KIAA1217: variants seen among roughly 807,000 people sequenced by gnomAD.
KIAA1217 encodes the protein sickle tail protein homolog.
In KIAA1217, 88 loss-of-function variants were observed where a neutral mutation model predicts 163.9. The observed-to-expected ratio is 0.54, with a 90% CI of 0.45 to 0.64. The LOEUF is 0.64. Among genes scored for constraint, KIAA1217 ranks in the 30% least tolerant of loss-of-function variants. The pLI is 0.00. For missense variants in KIAA1217, 2,372 were observed against 2,475.0 expected, an observed-to-expected ratio of 0.96 and a Z score of 0.88; for synonymous variants, 903 against 923.1, an observed-to-expected ratio of 0.98 and a Z score of 0.39.
chr10:24,382,611 G>A (rs4418704), intron 3 of KIAA1217, among the ~76,000 whole-genome samples: 78,402 of 151,824 alleles, frequency 0.52, 22,800 homozygotes, highest in African/African-American at 0.8. Flanking sequence ...TTTTGTTTAT[G>A]TGTGTGTTTG....
At chr10:23,934,575 A>ATATGTGTGTGTGTGTGTATG (rs1554826348) in intron 1 of KIAA1217, among the ~76,000 whole-genome samples, 1 of 65,968 alleles carries the variant, frequency 1.5e-5, no homozygotes, top group African/African-American at 1.3e-4. Flanking sequence ...ATATATATAT[A>ATATGTGTGTGTGTGTGTATG]TATATATATA....
intron 2 of KIAA1217, among the ~76,000 whole-genome samples, chr10:24,330,175 C>T (rs1372933250): frequency 6.6e-6 from 1 of 151,864 alleles, no homozygotes; most frequent in Non-Finnish European, 1.5e-5. Context: ...TGGCGTGCAC[C>T]TGTAATCCCA....
At chr10:24,086,455 C>T (rs1159755754) in intron 2 of KIAA1217, among the ~76,000 whole-genome samples, 1 of 152,126 alleles carries the variant, frequency 6.6e-6, no homozygotes, top group Non-Finnish European at 1.5e-5. Context: ...TGGAAGTCTC[C>T]ATGTGTATCA....
At chr10:23,954,545 C>T (rs546142951) in intron 1 of KIAA1217, among the ~76,000 whole-genome samples, 1 of 148,846 alleles carries the variant, frequency 6.7e-6, no homozygotes, top group Non-Finnish European at 1.5e-5. Context: ...AGCCTGGACA[C>T]CAGAAAGAGA....
chr10:23,699,739 C>T (rs1836300883), intron 1 of KIAA1217, among the ~76,000 whole-genome samples: 1 of 152,186 alleles, frequency 6.6e-6, no homozygotes, highest in South Asian at 2.1e-4. Flanking sequence ...ATCCTCACAC[C>T]TTGGCCTCCC....
intron 3 of KIAA1217, among the ~76,000 whole-genome samples, chr10:24,383,905 A>G (rs904457215): frequency 1.3e-5 from 2 of 152,202 alleles, no homozygotes; most frequent in African/African-American, 4.8e-5. Context: ...AGCAAGTGCA[A>G]ATGCAGTCTC....
intron 1 of KIAA1217, among the ~76,000 whole-genome samples, chr10:23,827,774 G>A (rs965326964): frequency 2.6e-5 from 4 of 152,166 alleles, no homozygotes; most frequent in African/African-American, 4.8e-5. Context: ...CTGTGTGCAC[G>A]ACAGCCTGAA....
chr10:23,865,498 C>A (rs1840140618), intron 1 of KIAA1217, among the ~76,000 whole-genome samples: 1 of 152,048 alleles, frequency 6.6e-6, no homozygotes, highest in African/African-American at 2.4e-5. Flanking sequence ...ACGTCATTTG[C>A]AAATACTATT....
chr10:23,745,979 T>C (rs564156208), intron 1 of KIAA1217, among the ~76,000 whole-genome samples: 1 of 152,328 alleles, frequency 6.6e-6, no homozygotes, highest in African/African-American at 2.4e-5. Context: ...TTTGAAGGAC[T>C]ACACTGAATG....
chr10:23,970,300 T>C (rs1845261215), intron 1 of KIAA1217, among the ~76,000 whole-genome samples: 1 of 152,242 alleles, frequency 6.6e-6, no homozygotes, highest in African/African-American at 2.4e-5. Context: ...TCAAATATGA[T>C]TCAACTTTTA....
intron 1 of KIAA1217, among the ~76,000 whole-genome samples, chr10:23,926,824 G>A (rs1014246655): frequency 1.3e-5 from 2 of 151,538 alleles, no homozygotes; most frequent in Non-Finnish European, 2.9e-5. Flanking sequence ...CCCTCTTTTC[G>A]ATCCTTCAAT....
chr10:24,492,732 G>A (rs146569927), intron 6 of KIAA1217, among the ~76,000 whole-genome samples: 26 of 152,150 alleles, frequency 1.7e-4, no homozygotes, highest in Non-Finnish European at 2.4e-4. Context: ...ACTCAAGGCC[G>A]CAATGCTTGA....
chr10:24,133,630 C>T (rs1440512818), intron 2 of KIAA1217, among the ~76,000 whole-genome samples: 1 of 151,920 alleles, frequency 6.6e-6, no homozygotes, highest in African/African-American at 2.4e-5. Context: ...TACTTCAACC[C>T]TGGGGATGGA....
intron 2 of KIAA1217, among the ~76,000 whole-genome samples, chr10:24,168,510 G>A (rs752010941): frequency 9.2e-5 from 14 of 152,234 alleles, no homozygotes; most frequent in Non-Finnish European, 1.6e-4. Context: ...CAGTGGGGGT[G>A]TGGACCATTC....
chr10:23,798,745 A>T (rs1836328454), intron 1 of KIAA1217, among the ~76,000 whole-genome samples: 1 of 152,200 alleles, frequency 6.6e-6, no homozygotes, highest in African/African-American at 2.4e-5. Flanking sequence ...AGTGCTTAAC[A>T]TCCTAACAAC....
intron 1 of KIAA1217, among the ~76,000 whole-genome samples, chr10:23,867,420 C>T (rs1042351155): frequency 4.3e-4 from 66 of 152,076 alleles, no homozygotes; most frequent in African/African-American, 1.4e-3. Context: ...CCTGAGGAAT[C>T]GCCACACTGA....
chr10:24,463,930 G>C (rs1227856105), intron 5 of KIAA1217, among the ~76,000 whole-genome samples: 1 of 152,190 alleles, frequency 6.6e-6, no homozygotes, highest in Non-Finnish European at 1.5e-5. Flanking sequence ...CCAAGGTAGA[G>C]AAGGCAGAGA....
chr10:23,846,877 T>C (rs190149962), intron 1 of KIAA1217, among the ~76,000 whole-genome samples: 3 of 152,302 alleles, frequency 2.0e-5, no homozygotes, highest in African/African-American at 7.2e-5. Context: ...GGGTTTGTCA[T>C]AAATAGCTCC....
chr10:23,944,974 G>T (rs557278879), intron 1 of KIAA1217, among the ~76,000 whole-genome samples: 1 of 151,234 alleles, frequency 6.6e-6, no homozygotes, highest in Non-Finnish European at 1.5e-5. Context: ...CAGGAGAATC[G>T]CTGGAACCTG....
Sources: gnomAD v4.1 joint callset for allele counts (sites outside exome capture counted in the v4.1 genomes callset) on GRCh38, gnomAD v4.1.1 for gene constraint, MANE v1.5 for transcripts, NCBI Gene and HGNC (gene_info 2026-07-23, HGNC 2026-07-21) for gene names.